Variants in FCHSD2 observed in about 807,000 individuals in gnomAD.
FCHSD2 encodes the protein F-BAR and double SH3 domains protein 2.
Under a neutral mutation model 108.1 loss-of-function variants are expected in FCHSD2, and 38 were observed. The ratio of observed to expected loss-of-function variants is 0.35; its 90% CI spans 0.27 to 0.46. The LOEUF is 0.46. FCHSD2 is among the 20% of genes least tolerant of loss of function. The probability of loss-of-function intolerance (pLI) is 1.00; values close to 1 mark genes in which losing one functional copy is unlikely to be tolerated. For missense variants in FCHSD2, 751 were observed against 897.8 expected (o/e 0.84, Z 2.09); for synonymous variants, 279 against 314.7 (o/e 0.89, Z 1.20).
intron 2 of FCHSD2, among the ~76,000 whole-genome samples, chr11:73,103,799 T>G (rs910044703): frequency 1.3e-5 from 2 of 152,208 alleles, no homozygotes; most frequent in African/African-American, 2.4e-5. Flanking sequence ...AGATATTCAT[T>G]AAATCTAATT....
chr11:72,843,124 T>C (rs368265647), intron 16 of FCHSD2, 27 bp downstream of exon 16: 7 of 1,611,392 alleles, frequency 4.3e-6, no homozygotes, highest in Non-Finnish European at 5.1e-6. Context: ...CGTGACCAAA[T>C]AAAGAGTGCC....
intron 2 of FCHSD2, among the ~76,000 whole-genome samples, chr11:73,093,256 T>C (rs750979524): frequency 1.3e-5 from 2 of 152,194 alleles, no homozygotes; most frequent in South Asian, 2.1e-4. Flanking sequence ...ACCTCTTCCC[T>C]TGGCTGATTT....
chr11:73,074,595 GA>G (rs901627404), intron 3 of FCHSD2, among the ~76,000 whole-genome samples: 5 of 151,464 alleles, frequency 3.3e-5, no homozygotes, highest in South Asian at 2.1e-4. Context: ...GAATATAAAA[GA>G]AAAAAAATAT....
chr11:73,136,555 A>G (rs1044625292), intron 2 of FCHSD2, among the ~76,000 whole-genome samples: 3 of 152,152 alleles, frequency 2.0e-5, no homozygotes, highest in Non-Finnish European at 4.4e-5. Flanking sequence ...AAATTTAATA[A>G]TAATAAAAAA....
chr11:72,936,955 T>C (rs1305622065), intron 8 of FCHSD2, among the ~76,000 whole-genome samples: 3 of 152,194 alleles, frequency 2.0e-5, no homozygotes, highest in Admixed American at 1.3e-4. Context: ...CTTGCCTCCT[T>C]TTATCCCTGT....
At chr11:73,124,441 TG>T (rs1307355091) in intron 2 of FCHSD2, among the ~76,000 whole-genome samples, 1 of 151,376 alleles carries the variant, frequency 6.6e-6, no homozygotes, top group Non-Finnish European at 1.5e-5. Context: ...AGAGAGAGAA[TG>T]GGGCAGAAAA....
chr11:73,136,463 G>A (rs1474684601), intron 2 of FCHSD2, among the ~76,000 whole-genome samples: 4 of 149,742 alleles, frequency 2.7e-5, no homozygotes, highest in Non-Finnish European at 5.9e-5. Flanking sequence ...TGGGAGGATC[G>A]CTTGAGCCCG....
chr11:73,121,223 GATT>G (rs1860728306), intron 2 of FCHSD2, among the ~76,000 whole-genome samples: 2 of 151,684 alleles, frequency 1.3e-5, no homozygotes, highest in South Asian at 4.2e-4. Context: ...CTCCCAAGAA[GATT>G]ATTTGCTTCT....
chr11:72,901,644 A>G (rs1855528258), intron 10 of FCHSD2, among the ~76,000 whole-genome samples: 1 of 152,044 alleles, frequency 6.6e-6, no homozygotes, highest in Admixed American at 6.6e-5. Flanking sequence ...CACTTTAACT[A>G]TGGTTAAAAA....
chr11:73,000,209 C>T (rs1043912081), intron 5 of FCHSD2, among the ~76,000 whole-genome samples: 3 of 152,166 alleles, frequency 2.0e-5, no homozygotes, highest in African/African-American at 7.2e-5. Context: ...AATCAAAACA[C>T]TGGATGGCTT....
In FCHSD2 at chr11:72,994,398, T is replaced by C. The variant is rs543441316; in HGVS notation, c.388-5301A>G. On this transcript the variant is annotated intron_variant, in intron 5 of 19. Transcript: ENST00000409418. Reference sequence around the variant, plus strand: ...TCTATGAAAAAGGTAGTAGTAGTAGTAGCAGCAGCAGCAGTAGTAGTAGTA... The same window carrying C: ...TCTATGAAAAAGGTAGTAGTAGTAGCAGCAGCAGCAGCAGTAGTAGTAGTA... 2.6e-5 allele frequency among the ~76,000 whole-genome samples: 4 copies of C among 152,248 alleles called. No homozygotes were observed. In the South Asian group the frequency reaches 6.2e-4, roughly 24 times the overall value.
chr11:73,038,662 T>A (rs892595889), intron 3 of FCHSD2, among the ~76,000 whole-genome samples: 3 of 152,028 alleles, frequency 2.0e-5, no homozygotes, highest in African/African-American at 4.8e-5. Context: ...CAAATGGACA[T>A]AAACATGGGA....
chr11:72,876,200 C>T (rs1336461069), intron 12 of FCHSD2, among the ~76,000 whole-genome samples: 1 of 152,020 alleles, frequency 6.6e-6, no homozygotes, highest in Non-Finnish European at 1.5e-5. Flanking sequence ...TTTGGTGGTA[C>T]ATGCCTGTAG....
At chr11:72,980,453 T>C (rs1857190844) in intron 8 of FCHSD2, among the ~76,000 whole-genome samples, 1 of 152,106 alleles carries the variant, frequency 6.6e-6, no homozygotes, top group South Asian at 2.1e-4. Flanking sequence ...GATAAGAATA[T>C]AAGTTAGAGT....
intron 2 of FCHSD2, among the ~76,000 whole-genome samples, chr11:73,134,797 A>C (rs1861084170): frequency 6.6e-6 from 1 of 152,228 alleles, no homozygotes. Context: ...ATAAGAAAAC[A>C]AATTATTCCC....
intron 2 of FCHSD2, among the ~76,000 whole-genome samples, chr11:73,113,353 CTTTTTTTTTT>C (rs35979371): frequency 9.1e-3 from 271 of 29,912 alleles, no homozygotes; most frequent in Non-Finnish European, 0.014. Context: ...CCAAGATGGT[CTTTTTTTTTT>C]TTTTTTTTTT....
intron 6 of FCHSD2, among the ~76,000 whole-genome samples, chr11:72,986,820 T>C (rs916420317): frequency 9.2e-5 from 14 of 152,230 alleles, no homozygotes; most frequent in African/African-American, 3.1e-4. Context: ...CTAGAAAAAA[T>C]AAGGCAGGAT....
intron 8 of FCHSD2, among the ~76,000 whole-genome samples, chr11:72,931,304 A>G (rs1189481533): frequency 1.4e-5 from 2 of 139,726 alleles, no homozygotes; most frequent in African/African-American, 2.6e-5. Flanking sequence ...ATGAGGTTTC[A>G]CCATGTTGGT....
intron 9 of FCHSD2, among the ~76,000 whole-genome samples, chr11:72,910,712 G>C (rs1855746034): frequency 6.6e-6 from 1 of 151,454 alleles, no homozygotes; most frequent in African/African-American, 2.4e-5. Context: ...CCACTGCCTA[G>C]GAAAACCAGA....
Sources: allele counts gnomAD v4.1 joint callset (sites outside exome capture counted in the v4.1 genomes callset), GRCh38; gene constraint gnomAD v4.1.1; transcripts MANE v1.5; gene names NCBI Gene and HGNC (gene_info 2026-07-23, HGNC 2026-07-21).